The following FIGN variants were observed in gnomAD, a reference collection of about 807,000 sequenced individuals.
FIGN encodes fidgetin, microtubule severing factor, also known as fidgetin.
Under a neutral mutation model 51.3 loss-of-function variants are expected in FIGN, and 11 were observed. That is an observed-to-expected ratio of 0.21 (90% CI 0.13 to 0.35). The LOEUF is 0.35. FIGN is among the 10% of genes least tolerant of loss of function. The probability of loss-of-function intolerance (pLI) is 1.00; values close to 1 mark genes in which losing one functional copy is unlikely to be tolerated. For missense variants in FIGN, 857 were observed against 943.6 expected (o/e 0.91, Z 1.20); for synonymous variants, 407 against 363.2 (o/e 1.12, Z -1.37).
chr2:163,734,706 TA>T (rs1427152702), intron 2 of FIGN, among the ~76,000 whole-genome samples, 196 bp downstream of exon 2: 1 of 152,048 alleles, frequency 6.6e-6, no homozygotes, highest in African/African-American at 2.4e-5. Context: ...AGTAATATAT[TA>T]ATCAAAACTG....
intron 2 of FIGN, among the ~76,000 whole-genome samples, chr2:163,717,018 T>C (rs956728733): frequency 2.6e-5 from 4 of 152,160 alleles, no homozygotes; most frequent in African/African-American, 9.7e-5. Context: ...ACCACTTGCC[T>C]TCTCCAAACA....
intron 2 of FIGN, among the ~76,000 whole-genome samples, chr2:163,673,213 A>G: frequency 6.6e-6 from 1 of 152,088 alleles, no homozygotes; most frequent in East Asian, 1.9e-4. Context: ...ATAAACACCT[A>G]CCTTGAGATG....
At chr2:163,624,218 A>G (rs1683018675) in intron 2 of FIGN, among the ~76,000 whole-genome samples, 1 of 152,022 alleles carries the variant, frequency 6.6e-6, no homozygotes, top group South Asian at 2.1e-4. Flanking sequence ...CCCACCCAAT[A>G]TATGTATTTT....
At chr2:163,706,945 G>C (rs1028575642) in intron 2 of FIGN, among the ~76,000 whole-genome samples, 2 of 152,068 alleles carry the variant, frequency 1.3e-5, no homozygotes, top group African/African-American at 4.8e-5. Context: ...TGAATGTCAC[G>C]GCCATTGCAG....
At chr2:163,720,307 T>C (rs1684736736) in intron 2 of FIGN, among the ~76,000 whole-genome samples, 2 of 152,210 alleles carry the variant, frequency 1.3e-5, no homozygotes, top group Non-Finnish European at 2.9e-5. Flanking sequence ...CAAGGACATA[T>C]GCATGACTAA....
At chr2:163,719,291 T>C (rs1023852551) in intron 2 of FIGN, among the ~76,000 whole-genome samples, 1 of 152,190 alleles carries the variant, frequency 6.6e-6, no homozygotes, top group Non-Finnish European at 1.5e-5. Flanking sequence ...CTACATTACT[T>C]TGATTTACGT....
At chr2:163,654,921 G>A (rs988816215) in intron 2 of FIGN, among the ~76,000 whole-genome samples, 13 of 152,064 alleles carry the variant, frequency 8.5e-5, no homozygotes, top group South Asian at 6.2e-4. Flanking sequence ...AAGGAGGAGC[G>A]TACCAGTAGG....
At chr2:163,621,430 C>G (rs769997785) in intron 2 of FIGN, among the ~76,000 whole-genome samples, 3 of 151,990 alleles carry the variant, frequency 2.0e-5, no homozygotes, top group Non-Finnish European at 4.4e-5. Flanking sequence ...TTTAGTCCAG[C>G]CTGAAGAAAA....
At chr2:163,726,245 G>A (rs997982969) in intron 2 of FIGN, among the ~76,000 whole-genome samples, 11 of 151,908 alleles carry the variant, frequency 7.2e-5, no homozygotes, top group African/African-American at 1.7e-4. Context: ...TCCCAAAAAC[G>A]TTGCTTAATC....
chr2:163,658,465 T>C (rs1387287664), intron 2 of FIGN, among the ~76,000 whole-genome samples: 1 of 152,008 alleles, frequency 6.6e-6, no homozygotes, highest in East Asian at 1.9e-4. Context: ...GTCATTCATT[T>C]ATAAAGAAAA....
intron 2 of FIGN, among the ~76,000 whole-genome samples, chr2:163,684,181 A>C (rs1437208252): frequency 1.3e-5 from 2 of 152,194 alleles, no homozygotes; most frequent in Non-Finnish European, 2.9e-5. Flanking sequence ...ACACACACAC[A>C]CACTTTAGAG....
At chr2:163,721,844 CTT>C (rs1293924115) in intron 2 of FIGN, among the ~76,000 whole-genome samples, 2 of 152,034 alleles carry the variant, frequency 1.3e-5, no homozygotes, top group Admixed American at 6.6e-5. Flanking sequence ...ACAATAGAGT[CTT>C]TGTTTTTTTC....
intron 2 of FIGN, among the ~76,000 whole-genome samples, chr2:163,622,061 A>C (rs796898336): frequency 1.1e-4 from 17 of 152,226 alleles, no homozygotes; most frequent in Admixed American, 9.8e-4. Context: ...CATGAAAAAC[A>C]TACAGATTCC....
chr2:163,609,949 C>G lies in FIGN; in HGVS notation c.1883G>C (p.Cys628Ser), dbSNP rs1363486323. ...TATTTCTTCTGGTTTACTGGTGGCACAAATTACTACGATTTGGTCCTCAGC... is the reference window on the plus strand; with the variant it reads ...TATTTCTTCTGGTTTACTGGTGGCAGAAATTACTACGATTTGGTCCTCAGC... Reference protein sequence around the residue: ...TSAEDQIVVICATSKPEEIDE... With the variant: ...TSAEDQIVVISATSKPEEIDE... The change falls in exon 3 of 3, where the codon TGT becomes TCT. Residue 628 changes from cysteine to serine, a missense_variant. Transcript: ENST00000333129. The G allele has an allele frequency of 6.2e-7, 1 of 1,613,956 alleles. No homozygotes were observed. The highest frequency in any genetic ancestry group is 1.1e-5 in the South Asian group (1 of 91,082).
chr2:163,604,095 T>G lies in FIGN; in HGVS notation c.*5457A>C, dbSNP rs777086225. ...GTTGTGCAGGCCCTTGCAACTGCAT[T>G]GTTTTTCTTAATTTATATCAGGAGT... On this transcript the variant is annotated 3_prime_UTR_variant, in exon 3 of 3. Coordinates refer to ENST00000333129, the MANE Select transcript of FIGN (RefSeq NM_018086.4). 3 of 152,126 alleles carry G rather than the reference T, an allele frequency of 2.0e-5. No homozygotes were observed. Among genetic ancestry groups the G allele is most frequent in the Non-Finnish European group, 2.9e-5 (2 of 67,982 alleles). The allele number at this position is 152,126 out of a possible 1,614,324, so 9.4% of individuals were successfully genotyped here. A position where few individuals can be genotyped will look rare whatever the true frequency, so the allele number is the denominator to read the frequency against.
chr2:163,627,224 A>G (rs1261911789), intron 2 of FIGN, among the ~76,000 whole-genome samples: 1 of 152,038 alleles, frequency 6.6e-6, no homozygotes, highest in Non-Finnish European at 1.5e-5. Context: ...CAAGAACCCT[A>G]TCTTGGGGTC....
At position 163,610,215 on chromosome 2, in the gene FIGN, G is replaced by A. The variant is rs1195024912; in HGVS notation, c.1617C>T (p.Ile539=). Residue 539 remains isoleucine (I), a synonymous_variant, in exon 3 of 3, where the codon ATC becomes ATT. Coordinates refer to ENST00000333129, the MANE Select transcript of FIGN (RefSeq NM_018086.4). ...GTGKTLLGRC[I]ASQLGATFFK... The stretch of plus-strand genomic sequence containing the variant: ...AAAATGTGGCCCCCAGCTGACTAGC[G>A]ATGCATCTGCCCAATAATGTTTTGC... The A allele has an allele frequency of 1.2e-6, 2 of 1,614,114 alleles. No individual in the cohort carries two copies. Among genetic ancestry groups the A allele is most frequent in the Admixed American group, 1.7e-5 (1 of 60,018 alleles).
At chr2:163,656,029 C>T (rs1032383867) in intron 2 of FIGN, among the ~76,000 whole-genome samples, 2 of 152,154 alleles carry the variant, frequency 1.3e-5, no homozygotes, top group African/African-American at 4.8e-5. Flanking sequence ...TTGAATTAAA[C>T]GACTGAGATT....
In FIGN at chr2:163,734,533, C is replaced by T. The variant is rs1684983872; in HGVS notation, c.25+370G>A. On this transcript the variant is annotated intron_variant, in intron 2 of 2. Transcript: ENST00000333129. ...ATCTTTCCCAACACTCCTGCCCTCT[C>T]CCCTTTGCCCAGCCTCCCTCCTTCA... is the stretch of plus-strand genomic sequence containing the variant. Among the ~76,000 whole-genome samples, 2 of 142,926 alleles carry T rather than the reference C, an allele frequency of 1.4e-5. 1 individual carries two copies. The highest frequency in any genetic ancestry group is 4.5e-4 in the South Asian group (2 of 4,424). The allele number at this position is 142,926 out of a possible 152,430, so 93.8% of individuals were successfully genotyped here. A position where few individuals can be genotyped will look rare whatever the true frequency, so the allele number is the denominator to read the frequency against.
Sources: gnomAD v4.1 joint callset for allele counts (sites outside exome capture counted in the v4.1 genomes callset) on GRCh38, gnomAD v4.1.1 for gene constraint, MANE v1.5 for transcripts, NCBI Gene and HGNC (gene_info 2026-07-23, HGNC 2026-07-21) for gene names.